Variants in ZNF485 observed in about 807,000 individuals in gnomAD.
ZNF485 encodes the protein zinc finger protein 485, also known as Zinc finger protein 93 (Zinc finger protein HTF34).
In ZNF485, 9 loss-of-function variants were observed where a neutral mutation model predicts 10.8. That is an observed-to-expected ratio of 0.83 (90% CI 0.50 to 1.45). ZNF485 has a LOEUF of 1.45. ZNF485 is among the 40% of genes most tolerant of loss of function. The pLI is 0.00. For synonymous variants in ZNF485, 187 were observed against 181.0 expected (o/e 1.03, Z -0.27); for missense variants, 487 against 528.0 (o/e 0.92, Z 0.76).
At chr10:43,609,147 AAGTTGACAC>A (rs1262809258) in intron 3 of ZNF485, 99 bp from the exon 4 acceptor site, 1 of 826,442 alleles carries the variant, frequency 1.2e-6, no homozygotes, top group South Asian at 1.8e-5. Flanking sequence ...GCAGATGCTC[AAGTTGACAC>A]TGAGGTCTGG....
At position 43,616,684 on chromosome 10, in the gene ZNF485, A is replaced by C; in HGVS notation, c.641A>C (p.His214Pro). ...AGAATTCATTCTAGGGAGAAACCCC[A>C]CAAATGCATTGAATGTGGAAAAACT... ...HQRIHSREKP[H>P]KCIECGKTFR... Residue 214 changes from histidine (H) to proline (P), a missense_variant, in exon 5 of 5, where the codon CAC (histidine) becomes CCC (proline). By Grantham distance (77) the His-to-Pro change is moderately conservative. Transcript: ENST00000361807. 6.2e-7 allele frequency: 1 copy of C among 1,614,210 alleles called. No homozygotes were observed. Among genetic ancestry groups the C allele is most frequent in the Non-Finnish European group, 8.5e-7 (1 of 1,180,048 alleles).
chr10:43,611,381 A>C (rs1235696268), intron 4 of ZNF485, among the ~76,000 whole-genome samples: 1 of 151,920 alleles, frequency 6.6e-6, no homozygotes, highest in East Asian at 1.9e-4. Flanking sequence ...TTTCTTTTTG[A>C]TGCCTGCATA....
Position 43,616,758 on chromosome 10 carries a change from C to T in ZNF485, c.715C>T (p.Gln239Ter). 6.2e-7 allele frequency: 1 copy of T among 1,614,048 alleles called. No homozygotes were observed. The highest frequency in any genetic ancestry group is 8.5e-7 in the Non-Finnish European group (1 of 1,180,020). The change falls in exon 5 of 5, where the codon CAG (glutamine) becomes TAG (stop). Residue 239 changes from glutamine to a stop codon, truncating the protein, a stop_gained. Coordinates refer to ENST00000361807, the MANE Select transcript of ZNF485 (RefSeq NM_145312.4). LOFTEE classifies it low-confidence loss of function (END_TRUNC). ...AAGTCATCAGAGAATTCATACTGGC[C>T]AGAAACCCTACAAATGTAATGACTG... ...LLSHQRIHTG[Q>*]KPYKCNDCGK...
chr10:43,609,582 TC>T (rs1299439492), intron 4 of ZNF485, among the ~76,000 whole-genome samples: 1 of 152,210 alleles, frequency 6.6e-6, no homozygotes, highest in Non-Finnish European at 1.5e-5. Flanking sequence ...CTCCCAGCCT[TC>T]TGAAATCCTC....
At chr10:43,614,506 T>G (rs1043193636) in intron 4 of ZNF485, among the ~76,000 whole-genome samples, 21 of 152,034 alleles carry the variant, frequency 1.4e-4, no homozygotes, top group African/African-American at 5.1e-4. Flanking sequence ...GCCCAGGTGG[T>G]GGGTCTGGAC....
intron 4 of ZNF485, among the ~76,000 whole-genome samples, chr10:43,613,308 C>A (rs1421928838): frequency 6.6e-6 from 1 of 152,182 alleles, no homozygotes; most frequent in African/African-American, 2.4e-5. Context: ...TTATTTTTGC[C>A]TGTTTTTAAC....
At chr10:43,607,877 T>C (rs1358961724) in intron 2 of ZNF485, among the ~76,000 whole-genome samples, 5 of 152,222 alleles carry the variant, frequency 3.3e-5, no homozygotes, top group Non-Finnish European at 7.3e-5. Context: ...CAACCAGCCC[T>C]GGGACCTTGA....
rs1464787162 is a variant in ZNF485, at chr10:43,606,474, T to C, written c.-127T>C. The C allele has an allele frequency of 2.5e-6, 1 of 395,822 alleles. No homozygotes were observed. Among genetic ancestry groups the C allele is most frequent in the African/African-American group, 2.1e-5 (1 of 48,288 alleles). The allele number at this position is 395,822 out of a possible 1,614,324, so 24.5% of individuals were successfully genotyped here. A position where few individuals can be genotyped will look rare whatever the true frequency, so the allele number is the denominator to read the frequency against. On this transcript the variant is annotated 5_prime_UTR_variant, in exon 1 of 5. Transcript: ENST00000361807. ...GCTGCACCAGCCCCTGGCTGGTGGT[T>C]ACTGTCCGAACGGCGTGGTGTGGTC...
intron 2 of ZNF485, chr10:43,607,424 G>GC (rs1320512233): frequency 2.9e-6 from 1 of 341,364 alleles, no homozygotes; most frequent in Non-Finnish European, 5.4e-6. Flanking sequence ...GGAGTAGTGG[G>GC]CGCCTTAGTT....
chr10:43,609,170 G>A, intron 3 of ZNF485, 85 bp from the exon 4 acceptor site: 1 of 1,034,218 alleles, frequency 9.7e-7, no homozygotes, highest in Admixed American at 2.1e-5. Context: ...GGTCTGGAGT[G>A]ACTGCTTGTG....
chr10:43,612,937 A>C (rs1158737437), intron 4 of ZNF485, among the ~76,000 whole-genome samples: 1 of 152,154 alleles, frequency 6.6e-6, no homozygotes, highest in African/African-American at 2.4e-5. Flanking sequence ...ATGTAATATA[A>C]ATATTTAAAG....
chr10:43,613,724 T>G (rs1018368371), intron 4 of ZNF485, among the ~76,000 whole-genome samples: 2 of 152,222 alleles, frequency 1.3e-5, no homozygotes, highest in African/African-American at 4.8e-5. Context: ...GTATTCAGCT[T>G]TAGTATATAA....
chr10:43,606,914 G>T (rs1289738418), intron 1 of ZNF485, 83 bp from the exon 2 acceptor site: 4 of 1,054,470 alleles, frequency 3.8e-6, no homozygotes, highest in Non-Finnish European at 4.2e-6. Context: ...GGGAACGGGC[G>T]GGCGGGGACC....
intron 2 of ZNF485, 137 bp from the exon 3 acceptor site, chr10:43,608,470 CCCCTGAG>C (rs1002238891): frequency 3.8e-6 from 4 of 1,048,394 alleles, no homozygotes; most frequent in Non-Finnish European, 5.5e-6. Context: ...AGTCGCACAT[CCCCTGAG>C]CCCTCAGCTT....
Position 43,617,666 on chromosome 10 carries a change from G to C in ZNF485, c.*297G>C, listed in dbSNP as rs994063456. ...CCCAGTTACTTGGGAGGCTGAGACA[G>C]GATTGCTTAAGCCCAGGAGTTTGAG... On this transcript the variant is annotated 3_prime_UTR_variant, in exon 5 of 5. Coordinates refer to ENST00000361807, the MANE Select transcript of ZNF485 (RefSeq NM_145312.4). 3.5e-5 allele frequency: 9 copies of C among 254,902 alleles called. No individual in the cohort carries two copies. The highest frequency in any genetic ancestry group is 1.8e-4 in the African/African-American group (8 of 45,434). The allele number at this position is 254,902 out of a possible 1,614,324, so 15.8% of individuals were successfully genotyped here. A position where few individuals can be genotyped will look rare whatever the true frequency, so the allele number is the denominator to read the frequency against.
chr10:43,615,552 C>T (rs969656398), intron 4 of ZNF485, among the ~76,000 whole-genome samples: 11 of 152,140 alleles, frequency 7.2e-5, no homozygotes, highest in African/African-American at 2.7e-4. Context: ...AAGGCATGTG[C>T]TACCATGCCT....
intron 2 of ZNF485, chr10:43,607,408 A>T: frequency 1.1e-5 from 4 of 374,546 alleles, no homozygotes; most frequent in East Asian, 4.4e-5. Context: ...GTAGGGTGGG[A>T]GGGGTGGAGT....
rs1191465664 is a variant in ZNF485 at position 43,616,877 on chromosome 10, T to G, written c.834T>G (p.Ala278=). The change falls in exon 5 of 5, where the codon GCT becomes GCG. Residue 278 remains alanine (A), a synonymous_variant. Coordinates refer to ENST00000361807, the MANE Select transcript of ZNF485 (RefSeq NM_145312.4). ...TTAAATGTAACAAGTGTGGGAGAGC[T>G]TTCAGGGATAATTCAACTGTGTTGG... ...KPFKCNKCGR[A]FRDNSTVLEH... is the part of the protein sequence containing the mutation. The G allele has an allele frequency of 6.2e-7, 1 of 1,614,040 alleles. No homozygotes were observed. The highest frequency in any genetic ancestry group is 1.7e-5 in the Admixed American group (1 of 60,020).
At chr10:43,611,039 C>T (rs1838759520) in intron 4 of ZNF485, among the ~76,000 whole-genome samples, 1 of 151,478 alleles carries the variant, frequency 6.6e-6, no homozygotes, top group African/African-American at 2.4e-5. Flanking sequence ...TCCTCTCTCT[C>T]TTTCTTTCTT....
Sources: allele counts gnomAD v4.1 joint callset (sites outside exome capture counted in the v4.1 genomes callset), GRCh38; gene constraint gnomAD v4.1.1; transcripts MANE v1.5; gene names NCBI Gene and HGNC (gene_info 2026-07-23, HGNC 2026-07-21).